ADNP2: variants seen among roughly 807,000 people sequenced by gnomAD.
ADNP2 encodes the protein activity-dependent neuroprotector homeobox protein 2.
A neutral mutation model predicts 16.4 loss-of-function variants in ADNP2; 8 were observed. The ratio of observed to expected loss-of-function variants is 0.49; its 90% confidence interval spans 0.29 to 0.88. ADNP2 has a LOEUF of 0.88. Among genes scored for constraint, ADNP2 ranks in the 40% least tolerant of loss-of-function variants. The pLI is 0.09. For missense variants in ADNP2, 1,397 were observed against 1,395.1 expected (o/e 1.00, Z -0.02); for synonymous variants, 637 against 545.8 (o/e 1.17, Z -2.33).
At chr18:80,133,001 A>G (rs1568413704) in intron 2 of ADNP2, 102 bp from the exon 3 acceptor site, 8 of 848,102 alleles carry the variant, frequency 9.4e-6, no homozygotes, top group Non-Finnish European at 1.1e-5. Flanking sequence ...GATTACAAGC[A>G]TGAACCACTA....
chr18:80,123,118 C>T (rs2052435596), intron 2 of ADNP2, among the ~76,000 whole-genome samples: 4 of 151,982 alleles, frequency 2.6e-5, no homozygotes, highest in Admixed American at 2.6e-4. Context: ...TGGTGAATTA[C>T]ATTGATATAT....
intron 2 of ADNP2, among the ~76,000 whole-genome samples, chr18:80,128,625 G>A (rs1006292573): frequency 6.6e-6 from 1 of 152,120 alleles, no homozygotes; most frequent in Non-Finnish European, 1.5e-5. Flanking sequence ...ACTCCAGCCT[G>A]GGCGACAGAG....
chr18:80,132,813 G>A (rs911591084), intron 2 of ADNP2, among the ~76,000 whole-genome samples: 40 of 151,640 alleles, frequency 2.6e-4, no homozygotes, highest in African/African-American at 8.7e-4. Flanking sequence ...TCCACCTCCC[G>A]GGTTCAAGCA....
chr18:80,127,330 G>A (rs2052465778), intron 2 of ADNP2, among the ~76,000 whole-genome samples: 1 of 97,050 alleles, frequency 1.0e-5, no homozygotes, highest in South Asian at 3.2e-4. Context: ...CGTTGTTGGG[G>A]TTTTTTCAGT....
At chr18:80,113,616 A>G (rs1319995442) in intron 1 of ADNP2, among the ~76,000 whole-genome samples, 1 of 151,966 alleles carries the variant, frequency 6.6e-6, no homozygotes, top group Non-Finnish European at 1.5e-5. Context: ...ATCCTGTTTT[A>G]TTTTATATCT....
intron 2 of ADNP2, among the ~76,000 whole-genome samples, chr18:80,129,105 G>GT (rs753934297): frequency 0.34 from 27,348 of 81,472 alleles, 3,602 homozygotes; most frequent in African/African-American, 0.43. Context: ...CTTTTTTTTT[G>GT]TTTTTTTTTT....
At chr18:80,121,445 C>T (rs1163664541) in intron 2 of ADNP2, among the ~76,000 whole-genome samples, 1 of 152,160 alleles carries the variant, frequency 6.6e-6, no homozygotes, top group Non-Finnish European at 1.5e-5. Flanking sequence ...GGTATTAAAC[C>T]GTTATCAAAT....
chr18:80,121,450 T>C (rs868766343), intron 2 of ADNP2, among the ~76,000 whole-genome samples: 39 of 152,268 alleles, frequency 2.6e-4, no homozygotes, highest in African/African-American at 9.2e-4. Context: ...TAAACCGTTA[T>C]CAAATACGTG....
chr18:80,138,559 G>A lies in ADNP2; in HGVS notation c.3146G>A (p.Arg1049His), dbSNP rs145603867. 2.4e-5 allele frequency: 38 copies of A among 1,611,076 alleles called. No homozygotes were observed. Among genetic ancestry groups the A allele is most frequent in the East Asian group, 2.0e-4 (9 of 44,884 alleles). ...TTAGATCCTAAAAAATATGAAGGCC[G>A]TTCTTATGAAGAAAAGAAGCAATTT... ...LALDPKKYEG[R>H]SYEEKKQFLK... is the part of the protein sequence containing the mutation. Residue 1049 changes from arginine (R) to histidine (H), a missense_variant, in exon 4 of 4, where the codon CGT becomes CAT. This residue lies in a region of ADNP2 where 611 missense variants were observed against 648.7 expected (regional missense o/e 0.94). Transcript: ENST00000262198.
intron 2 of ADNP2, among the ~76,000 whole-genome samples, chr18:80,123,196 GTTTTAATACACTGTTGAA>G (rs2052436272): frequency 6.6e-6 from 1 of 152,048 alleles, no homozygotes; most frequent in South Asian, 2.1e-4. Flanking sequence ...GTGTATAATT[GTTTTAATACACTGTTGAA>G]TTTGGTTTGC....
chr18:80,138,362 C>T lies in ADNP2; in HGVS notation c.2949C>T (p.Gly983=). Residue 983 remains glycine (G), a synonymous_variant, in exon 4 of 4, where the codon GGC becomes GGT. Transcript: ENST00000262198. ...CTGTTAAGAGAAAGCTGCCTGACGG[C>T]CACTTAGGGGCCGAAGACCAGCGGC... is the stretch of plus-strand genomic sequence containing the variant. ...SFSVKRKLPD[G]HLGAEDQRHG... is the part of the protein sequence containing the mutation. The T allele has an allele frequency of 6.2e-7, 1 of 1,614,076 alleles. No homozygotes were observed. Among genetic ancestry groups the T allele is most frequent in the Admixed American group, 1.7e-5 (1 of 60,014 alleles).
At chr18:80,114,355 A>T (rs1392483273) in intron 1 of ADNP2, among the ~76,000 whole-genome samples, 1 of 152,192 alleles carries the variant, frequency 6.6e-6, no homozygotes, top group African/African-American at 2.4e-5. Flanking sequence ...GCATTTCTTT[A>T]TTATTAAAGT....
In ADNP2 at chr18:80,138,615, C is replaced by G. The variant is rs751804629; in HGVS notation, c.3202C>G (p.Pro1068Ala). 1 of 1,608,198 alleles carries G rather than the reference C, an allele frequency of 6.2e-7. No homozygotes were observed. The highest frequency in any genetic ancestry group is 1.7e-5 in the Admixed American group (1 of 58,532). The change falls in exon 4 of 4, where the codon CCT becomes GCT. Residue 1068 changes from proline to alanine, a missense_variant. Pro to Ala is a conservative substitution (Grantham distance 27). This residue lies in a region of ADNP2 where 611 missense variants were observed against 648.7 expected (regional missense o/e 0.94). Coordinates refer to ENST00000262198, the MANE Select transcript of ADNP2 (RefSeq NM_014913.4). ...AGATTATTTCCATAAGAAACCATAT[C>G]CTAGTAAAAAGGAAATAGAACTGTT... ...LKDYFHKKPY[P>A]SKKEIELLSS... is the part of the protein sequence containing the mutation.
At chr18:80,122,710 A>G (rs2052432521) in intron 2 of ADNP2, among the ~76,000 whole-genome samples, 1 of 152,210 alleles carries the variant, frequency 6.6e-6, no homozygotes, top group Non-Finnish European at 1.5e-5. Context: ...TAGCTCTGGT[A>G]GTTTCTTGTA....
chr18:80,135,565 C>T, intron 3 of ADNP2, 47 bp from the exon 4 acceptor site: 5 of 1,514,698 alleles, frequency 3.3e-6, no homozygotes, highest in Non-Finnish European at 4.5e-6. Context: ...AGGTTAGCAT[C>T]TGACAGTTTA....
At position 80,116,728 on chromosome 18, in the gene ADNP2, T is replaced by C. The variant is rs181532193; in HGVS notation, c.-13-802T>C. On this transcript the variant is annotated intron_variant, in intron 1 of 3. Transcript: ENST00000262198. ...CAGACTCACTGCAGCCTTGACCTCC[T>C]GGGCTCGGGTGATCCCCTCACCTCA... Among the ~76,000 whole-genome samples the C allele has an allele frequency of 1.5e-3, 235 of 152,324 alleles. 1 individual carries two copies. Among genetic ancestry groups the C allele is most frequent in the Non-Finnish European group, 2.4e-3 (164 of 68,030 alleles).
Position 80,125,243 on chromosome 18 carries a change from G to A in ADNP2, c.108+7593G>A, listed in dbSNP as rs947569353. 2.0e-5 allele frequency among the ~76,000 whole-genome samples: 3 copies of A among 152,276 alleles called. No homozygotes were observed. In the South Asian group the frequency reaches 6.2e-4, roughly 32 times the overall value. On this transcript the variant is annotated intron_variant, in intron 2 of 3. Transcript: ENST00000262198. Reference sequence around the variant, plus strand: ...GTTATTGTAAATACAGTTTATTGGCGCCAGGTGCAATGGTAATCCCAGCAC... The same window carrying A: ...GTTATTGTAAATACAGTTTATTGGCACCAGGTGCAATGGTAATCCCAGCAC...
rs2052570143 is a variant in ADNP2 at position 80,139,954 on chromosome 18, T to A, written c.*1145T>A. The A allele has an allele frequency of 6.6e-6, 1 of 152,066 alleles. No homozygotes were observed. The highest frequency in any genetic ancestry group is 1.5e-5 in the Non-Finnish European group (1 of 67,996). 9.4% of individuals were successfully genotyped at this position (152,066 alleles called of 1,614,324 possible). A position where few individuals can be genotyped will look rare whatever the true frequency, so the allele number is the denominator to read the frequency against. The stretch of plus-strand genomic sequence containing the variant: ...TATTGTTAAAGAATCTCCATTGTCG[T>A]CACTGTCCTGTGGATGTTAAACCTC... On this transcript the variant is annotated 3_prime_UTR_variant, in exon 4 of 4. Coordinates refer to ENST00000262198, the MANE Select transcript of ADNP2 (RefSeq NM_014913.4).
rs564833550 is a variant in ADNP2, at chr18:80,135,823, A to G, written c.410A>G (p.Tyr137Cys). The G allele has an allele frequency of 1.4e-5, 23 of 1,614,214 alleles. No homozygotes were observed. The highest frequency in any genetic ancestry group is 3.3e-4 in the Middle Eastern group (2 of 6,062). The change falls in exon 4 of 4, where the codon TAC (tyrosine) becomes TGC (cysteine). Residue 137 changes from tyrosine to cysteine, a missense_variant. Physicochemically the swap from Tyr to Cys is radical, Grantham distance 194. This residue lies in a region of ADNP2 where 777 missense variants were observed against 719.4 expected (regional missense o/e 1.08). Transcript: ENST00000262198. The part of the protein sequence containing the change: ...FHAPVRKVQN[Y>C]TVNILGETKS... ...GCACCTGTCCGGAAAGTCCAGAACTACACAGTGAATATTTTAGGTGAAACT... is the reference window on the plus strand; with the variant it reads ...GCACCTGTCCGGAAAGTCCAGAACTGCACAGTGAATATTTTAGGTGAAACT...
Sources: gnomAD v4.1 joint callset for allele counts (sites outside exome capture counted in the v4.1 genomes callset) on GRCh38, gnomAD v4.1.1 for gene constraint, gnomAD v4.1.1 regional missense constraint, MANE v1.5 for transcripts, NCBI Gene and HGNC (gene_info 2026-07-23, HGNC 2026-07-21) for gene names.